Variants in RNF169 observed in about 807,000 individuals in gnomAD.
RNF169 encodes E3 ubiquitin-protein ligase RNF169.
A neutral mutation model predicts 53.9 loss-of-function variants in RNF169; 24 were observed. That is an observed-to-expected ratio of 0.45 (90% CI 0.32 to 0.63). The LOEUF is 0.63. Among genes scored for constraint, RNF169 ranks in the 20% least tolerant of loss-of-function variants. The probability of loss-of-function intolerance (pLI) is 0.04; values close to 1 mark genes in which losing one functional copy is unlikely to be tolerated. For missense variants in RNF169, 883 were observed against 906.2 expected (o/e 0.97, Z 0.33); for synonymous variants, 396 against 363.5 (o/e 1.09, Z -1.02).
At chr11:74,820,460 G>T (rs1210457385) in intron 4 of RNF169, among the ~76,000 whole-genome samples, 1 of 152,148 alleles carries the variant, frequency 6.6e-6, no homozygotes, top group African/African-American at 2.4e-5. Context: ...TGAAAAGAAA[G>T]GGGGTGGGGG....
intron 2 of RNF169, among the ~76,000 whole-genome samples, chr11:74,803,268 G>T (rs552671562): frequency 6.6e-6 from 1 of 152,086 alleles, no homozygotes; most frequent in African/African-American, 2.4e-5. Flanking sequence ...TATATTTTTA[G>T]TAGAGACGGG....
intron 2 of RNF169, among the ~76,000 whole-genome samples, chr11:74,796,851 G>T (rs1476304816): frequency 2.0e-5 from 3 of 152,036 alleles, no homozygotes; most frequent in Non-Finnish European, 2.9e-5. Flanking sequence ...CTCCGTTCTG[G>T]TTCTCTTTTT....
chr11:74,840,395 A>T lies in RNF169; in HGVS notation c.*3665A>T, dbSNP rs2036339941. ...TTAGAGACCCCATTGGTATTTGTGA[A>T]TTTGATTGCACCACCGCTTTTCCTT... On this transcript the variant is annotated 3_prime_UTR_variant, in exon 6 of 6. Coordinates refer to ENST00000299563, the MANE Select transcript of RNF169 (RefSeq NM_001098638.2). The T allele has an allele frequency of 6.6e-6, 1 of 152,192 alleles. No individual in the cohort carries two copies. Among genetic ancestry groups the T allele is most frequent in the Non-Finnish European group, 1.5e-5 (1 of 68,022 alleles). The allele number at this position is 152,192 out of a possible 1,614,324, so 9.4% of individuals were successfully genotyped here.
At chr11:74,759,865 G>T (rs1046074930) in intron 1 of RNF169, among the ~76,000 whole-genome samples, 1 of 151,880 alleles carries the variant, frequency 6.6e-6, no homozygotes, top group African/African-American at 2.4e-5. Flanking sequence ...CTATTGATTG[G>T]AATAGTTTCA....
At position 74,836,207 on chromosome 11, in the gene RNF169, A is replaced by G. The variant is rs780338490; in HGVS notation, c.1604A>G (p.Lys535Arg). ...PLETCCSSEL[K>R]GGGSGTSLER... Reference sequence around the variant, plus strand: ...GAAACCTGCTGTTCCTCAGAACTCAAAGGGGGAGGCAGTGGGACTTCTTTG... The same window carrying G: ...GAAACCTGCTGTTCCTCAGAACTCAGAGGGGGAGGCAGTGGGACTTCTTTG... The change falls in exon 6 of 6, where the codon AAA becomes AGA. Residue 535 changes from lysine (K) to arginine (R), a missense_variant. Physicochemically the swap from Lys to Arg is conservative, Grantham distance 26 (BLOSUM62 2). Transcript: ENST00000299563. 97 of 1,614,136 alleles carry G rather than the reference A, an allele frequency of 6.0e-5. 1 individual carries two copies. The Admixed American group carries it at 1.1e-3, about 18-fold the overall frequency.
intron 1 of RNF169, among the ~76,000 whole-genome samples, chr11:74,765,368 G>C (rs186115344): frequency 6.6e-6 from 1 of 152,126 alleles, no homozygotes; most frequent in Admixed American, 6.5e-5. Context: ...AGGAAGTTTC[G>C]ACACATATGA....
rs545269416 is a variant in RNF169 at position 74,818,789 on chromosome 11, T to A, written c.842+1075T>A. On this transcript the variant is annotated intron_variant, in intron 4 of 5. Coordinates refer to ENST00000299563, the MANE Select transcript of RNF169 (RefSeq NM_001098638.2). ...GGGTTCAACTCTTCCTTTCCACCAGTATTATTTAGTAGATCTCTCTCTCTT... is the reference window on the plus strand; with the variant it reads ...GGGTTCAACTCTTCCTTTCCACCAGAATTATTTAGTAGATCTCTCTCTCTT... Among the ~76,000 whole-genome samples, 14 of 151,920 alleles carry A rather than the reference T, an allele frequency of 9.2e-5. No individual in the cohort carries two copies. In the South Asian group the frequency reaches 2.9e-3, roughly 31 times the overall value.
At chr11:74,818,515 T>G (rs2035968897) in intron 4 of RNF169, among the ~76,000 whole-genome samples, 1 of 152,114 alleles carries the variant, frequency 6.6e-6, no homozygotes, top group African/African-American at 2.4e-5. Flanking sequence ...ATCTCAGCCC[T>G]GAATAGCTGA....
chr11:74,756,505 G>T (rs374028451), intron 1 of RNF169, among the ~76,000 whole-genome samples: 1 of 152,136 alleles, frequency 6.6e-6, no homozygotes, highest in Non-Finnish European at 1.5e-5. Context: ...TACAATGCTT[G>T]GTATATGAAG....
Position 74,836,109 on chromosome 11 carries a change from T to G in RNF169, c.1506T>G (p.Asp502Glu). ...EYTGPTSADL[D>E]HFPSVSQTKA... is the part of the protein sequence containing the mutation. ...CTGGACCCACCTCTGCTGATCTTGA[T>G]CATTTCCCCTCTGTTAGCCAAACAA... is the stretch of plus-strand genomic sequence containing the variant. Residue 502 changes from aspartate (D) to glutamate (E), a missense_variant, in exon 6 of 6, where the codon GAT becomes GAG. By Grantham distance (45) the Asp-to-Glu change is conservative. Transcript: ENST00000299563. 6.2e-7 allele frequency: 1 copy of G among 1,614,180 alleles called. No individual in the cohort carries two copies. The highest frequency in any genetic ancestry group is 8.5e-7 in the Non-Finnish European group (1 of 1,180,024).
chr11:74,821,761 T>C (rs1404141964), intron 4 of RNF169, among the ~76,000 whole-genome samples: 2 of 148,498 alleles, frequency 1.3e-5, no homozygotes, highest in East Asian at 4.0e-4. Context: ...CTGGAGGAAG[T>C]GGGGTTTGAG....
At chr11:74,770,158 C>G (rs1168391602) in intron 1 of RNF169, among the ~76,000 whole-genome samples, 2 of 152,156 alleles carry the variant, frequency 1.3e-5, no homozygotes, top group African/African-American at 4.8e-5. Flanking sequence ...AGGGAAAGTA[C>G]AATTGTAAGA....
chr11:74,767,414 TA>T (rs200087191), intron 1 of RNF169, among the ~76,000 whole-genome samples: 3,082 of 152,258 alleles, frequency 0.02, 121 homozygotes, highest in African/African-American at 0.07. Context: ...TTTTTATTTT[TA>T]TTTTTTTTGA....
chr11:74,778,716 CCCTT>C (rs1409984119), intron 1 of RNF169, among the ~76,000 whole-genome samples: 1 of 152,212 alleles, frequency 6.6e-6, no homozygotes, highest in Non-Finnish European at 1.5e-5. Flanking sequence ...CCACCTGGCA[CCCTT>C]CATTCAACTC....
chr11:74,842,235 G>A lies in RNF169; in HGVS notation c.*5505G>A, dbSNP rs1211590358. The A allele has an allele frequency of 6.6e-6, 1 of 152,244 alleles. No individual in the cohort carries two copies. The highest frequency in any genetic ancestry group is 2.4e-5 in the African/African-American group (1 of 41,460). The allele number at this position is 152,244 out of a possible 1,614,324, so 9.4% of individuals were successfully genotyped here. A position where few individuals can be genotyped will look rare whatever the true frequency, so the allele number is the denominator to read the frequency against. ...GAAGAGCATTTTGACAAAGACAGAGGACTTGGACCAGGGCATGCCCTGTTG... is the reference window on the plus strand; with the variant it reads ...GAAGAGCATTTTGACAAAGACAGAGAACTTGGACCAGGGCATGCCCTGTTG... On this transcript the variant is annotated 3_prime_UTR_variant, in exon 6 of 6. Transcript: ENST00000299563.
Position 74,748,910 on chromosome 11 carries a change from C to A in RNF169, c.30C>A (p.Ala10=). ...CGGCTGCAGGTCCGAGTACTCGGGC[C>A]TCTTCCGCGGCGGCAGCAGCCGCTC... MAAAGPSTR[A]SSAAAAAALS... is the part of the protein sequence containing the mutation. The change falls in exon 1 of 6, where the codon GCC becomes GCA. Residue 10 remains alanine (A), a synonymous_variant. Transcript: ENST00000299563. 3 of 1,448,880 alleles carry A rather than the reference C, an allele frequency of 2.1e-6. No individual in the cohort carries two copies. The highest frequency in any genetic ancestry group is 2.9e-5 in the East Asian group (1 of 34,680). The allele number at this position is 1,448,880 out of a possible 1,614,324, so 89.8% of individuals were successfully genotyped here.
At chr11:74,752,228 T>TAAAA (rs11325931) in intron 1 of RNF169, among the ~76,000 whole-genome samples, 49 of 78,756 alleles carry the variant, frequency 6.2e-4, no homozygotes, top group African/African-American at 2.2e-3. Flanking sequence ...GAGACTGTCT[T>TAAAA]AAAAAAAAAA....
intron 4 of RNF169, 115 bp downstream of exon 4, chr11:74,817,829 G>T (rs2035958860): frequency 1.4e-6 from 1 of 706,534 alleles, no homozygotes; most frequent in East Asian, 2.5e-5. Flanking sequence ...GGTGGAAGGG[G>T]AGAAAAGAGG....
chr11:74,829,049 AACAG>A (rs2036138267), intron 4 of RNF169, among the ~76,000 whole-genome samples: 1 of 152,242 alleles, frequency 6.6e-6, no homozygotes, highest in South Asian at 2.1e-4. Context: ...CATCAGAGTG[AACAG>A]ACAACCTATG....
Sources: gnomAD v4.1 joint callset for allele counts (sites outside exome capture counted in the v4.1 genomes callset) on GRCh38, gnomAD v4.1.1 for gene constraint, MANE v1.5 for transcripts, NCBI Gene and HGNC (gene_info 2026-07-23, HGNC 2026-07-21) for gene names.